Variants in COPS7B observed in about 807,000 individuals in gnomAD.
COPS7B encodes the protein COP9 signalosome subunit 7B, also known as COP9 signalosome complex subunit 7b.
In COPS7B, 9 loss-of-function variants were observed where a neutral mutation model predicts 33.4. That is an observed-to-expected ratio of 0.27 (90% confidence interval 0.16 to 0.47). The LOEUF is 0.47. Among genes scored for constraint, COPS7B ranks in the 20% least tolerant of loss-of-function variants. COPS7B has a pLI of 0.99. For synonymous variants in COPS7B, 119 were observed against 126.3 expected (o/e 0.94, Z 0.39); for missense variants, 242 against 318.2 (o/e 0.76, Z 1.82).
chr2:231,792,125 A>G (rs1410372147), intron 3 of COPS7B: 1 of 528,698 alleles, frequency 1.9e-6, no homozygotes, highest in Non-Finnish European at 3.7e-6. Context: ...CACCTGTAGA[A>G]TGTTTCAACA....
At chr2:231,798,314 T>C (rs947242041) in intron 5 of COPS7B, among the ~76,000 whole-genome samples, 2 of 146,054 alleles carry the variant, frequency 1.4e-5, no homozygotes, top group Non-Finnish European at 3.0e-5. Context: ...TGGAGTGCAA[T>C]TGCGTGGTCT....
intron 1 of COPS7B, 57 bp downstream of exon 1, chr2:231,786,595 C>A (rs1484930751): frequency 8.0e-6 from 7 of 874,654 alleles, no homozygotes; most frequent in Non-Finnish European, 8.2e-6. Flanking sequence ...CTCGGCCAGA[C>A]GATCCGGCTT....
At chr2:231,786,905 C>G (rs1208458109) in intron 1 of COPS7B, among the ~76,000 whole-genome samples, 2 of 152,240 alleles carry the variant, frequency 1.3e-5, no homozygotes, top group Non-Finnish European at 2.9e-5. Context: ...GCGACTGTCT[C>G]CGTCTCTTTA....
chr2:231,796,439 C>A, intron 5 of COPS7B, 131 bp downstream of exon 5: 1 of 714,714 alleles, frequency 1.4e-6, no homozygotes. Flanking sequence ...GCTTAGTGAG[C>A]CGGAGAGTGG....
upstream of COPS7B, chr2:231,786,410 C>T: frequency 1.0e-6 from 1 of 983,110 alleles, no homozygotes; most frequent in Non-Finnish European, 1.2e-6. Flanking sequence ...GGGGGAGCTG[C>T]ACGGGCGACG....
intron 3 of COPS7B, 129 bp from the exon 4 acceptor site, chr2:231,794,134 T>C (rs1395242896): frequency 6.6e-6 from 4 of 602,200 alleles, no homozygotes; most frequent in Non-Finnish European, 1.2e-5. Context: ...ATTTGTCAAA[T>C]GAATAAGTGC....
intron 6 of COPS7B, among the ~76,000 whole-genome samples, chr2:231,804,441 G>A (rs2049835433): frequency 6.6e-6 from 1 of 152,072 alleles, no homozygotes; most frequent in South Asian, 2.1e-4. Flanking sequence ...TAGAGATGGG[G>A]TTTCACCGCG....
At chr2:231,797,349 CCTT>C (rs1048421489) in intron 5 of COPS7B, among the ~76,000 whole-genome samples, 138 of 152,306 alleles carry the variant, frequency 9.1e-4, no homozygotes, top group African/African-American at 3.2e-3. Context: ...GCCCCAAACA[CCTT>C]CTCTATACAA....
chr2:231,794,241 T>G (rs747764528), intron 3 of COPS7B, 22 bp from the exon 4 acceptor site: 2 of 1,598,396 alleles, frequency 1.3e-6, no homozygotes, highest in East Asian at 4.5e-5. Context: ...TCTTGATTTT[T>G]GTGGTGGGTG....
rs1377227480 is a variant in COPS7B at position 231,807,474 on chromosome 2, A to G, written c.637-13A>G. 7 of 1,605,420 alleles carry G rather than the reference A, an allele frequency of 4.4e-6. No homozygotes were observed. Among genetic ancestry groups the G allele is most frequent in the South Asian group, 1.1e-5 (1 of 90,120 alleles). ...TACAGGCTGAGCACTCCAATTCTAT[A>G]TCTCCCCACCAGGTTACCAACATCA... On this transcript the variant is annotated splice_polypyrimidine_tract_variant and intron_variant, in intron 6 of 6. Transcript: ENST00000350033.
chr2:231,804,087 A>G (rs2049824651), intron 6 of COPS7B, among the ~76,000 whole-genome samples: 1 of 152,186 alleles, frequency 6.6e-6, no homozygotes, highest in Non-Finnish European at 1.5e-5. Flanking sequence ...ATAGGCTGAT[A>G]ATGACTTTAT....
chr2:231,801,227 G>C, intron 6 of COPS7B: 1 of 1,550,076 alleles, frequency 6.5e-7, no homozygotes, highest in Non-Finnish European at 8.7e-7. Flanking sequence ...AGCTTTAAGA[G>C]CCCTCCTTCT....
chr2:231,801,133 A>G, intron 6 of COPS7B: 1 of 1,550,462 alleles, frequency 6.4e-7, no homozygotes, highest in Non-Finnish European at 8.7e-7. Flanking sequence ...ATTTGTCCTT[A>G]AATTAGATTG....
chr2:231,807,453 G>A, intron 6 of COPS7B, 34 bp from the exon 7 acceptor site: 1 of 1,588,090 alleles, frequency 6.3e-7, no homozygotes, highest in Non-Finnish European at 8.6e-7. Flanking sequence ...AGCACATACA[G>A]GCTGAGCACT....
chr2:231,801,752 G>A (rs2049753989), intron 6 of COPS7B, among the ~76,000 whole-genome samples: 1 of 151,608 alleles, frequency 6.6e-6, no homozygotes, highest in Non-Finnish European at 1.5e-5. Context: ...ACAGGCGTGA[G>A]CCACCATGCC....
rs2049960612 is a variant in COPS7B at position 231,808,502 on chromosome 2, A to ATGGTGGCATCGATGCCCCTC, written c.*860_*879dup. ...TCCTCCTGGCTGCACCTGGGTAGGG[A>ATGGTGGCATCGATGCCCCTC]TGGTGGCATCGATGCCCCTCTGTCT... On this transcript the variant is annotated 3_prime_UTR_variant, in exon 7 of 7. Coordinates refer to ENST00000350033, the MANE Select transcript of COPS7B (RefSeq NM_022730.4). 4.2e-6 allele frequency: 2 copies of ATGGTGGCATCGATGCCCCTC among 471,154 alleles called. No individual in the cohort carries two copies. The highest frequency in any genetic ancestry group is 4.0e-5 in the African/African-American group (2 of 49,952). 29.2% of individuals were successfully genotyped at this position (471,154 alleles called of 1,614,324 possible).
chr2:231,805,078 A>G (rs2049853001), intron 6 of COPS7B, among the ~76,000 whole-genome samples: 1 of 152,218 alleles, frequency 6.6e-6, no homozygotes, highest in South Asian at 2.1e-4. Context: ...ATGTGTCTGT[A>G]GTCCCAGCTA....
rs2049246394 is a variant in COPS7B at position 231,786,493 on chromosome 2, G to A, written c.-62G>A. 7 of 985,976 alleles carry A rather than the reference G, an allele frequency of 7.1e-6. No individual in the cohort carries two copies. The highest frequency in any genetic ancestry group is 8.4e-6 in the Non-Finnish European group (7 of 830,094). 61.1% of individuals were successfully genotyped at this position (985,976 alleles called of 1,614,324 possible). On this transcript the variant is annotated 5_prime_UTR_variant, in exon 1 of 7. Coordinates refer to ENST00000350033, the MANE Select transcript of COPS7B (RefSeq NM_022730.4). ...CTTGACAACCTGCGGGCAGGCGCCG[G>A]GAGGCCGAGCCAGCGACTAAGAGGA...
At chr2:231,794,655 A>G (rs1369784211) in intron 4 of COPS7B, among the ~76,000 whole-genome samples, 2 of 152,212 alleles carry the variant, frequency 1.3e-5, no homozygotes, top group Non-Finnish European at 2.9e-5. Flanking sequence ...TCAAATAGCA[A>G]GGCATCTCAA....
Sources: allele counts gnomAD v4.1 joint callset (sites outside exome capture counted in the v4.1 genomes callset), GRCh38; gene constraint gnomAD v4.1.1; transcripts MANE v1.5; gene names NCBI Gene and HGNC (gene_info 2026-07-23, HGNC 2026-07-21).